TSHZ2: variants seen among roughly 807,000 people sequenced by gnomAD.
The protein encoded by TSHZ2 is teashirt zinc finger homeobox 2.
In TSHZ2, 21 loss-of-function variants were observed where a neutral mutation model predicts 74.4. The observed-to-expected ratio is 0.28, with a 90% CI of 0.20 to 0.41. The LOEUF (loss-of-function observed/expected upper bound fraction) is 0.41. TSHZ2 is among the 10% of genes least tolerant of loss of function. TSHZ2 has a pLI of 1.00. For missense variants in TSHZ2, 1,244 were observed against 1,293.5 expected, an observed-to-expected ratio of 0.96 and a Z score of 0.59; for synonymous variants, 540 against 515.3, an observed-to-expected ratio of 1.05 and a Z score of -0.65.
chr20:53,016,962 A>G (rs2256551), intron 1 of TSHZ2, among the ~76,000 whole-genome samples: 81,642 of 151,944 alleles, frequency 0.54, 22,797 homozygotes, highest in East Asian at 0.75. Context: ...TAAGGAGACA[A>G]GGACGTTATT....
At chr20:53,258,756 T>A (rs554080787) in intron 2 of TSHZ2, among the ~76,000 whole-genome samples, 12 of 152,320 alleles carry the variant, frequency 7.9e-5, no homozygotes, top group African/African-American at 2.9e-4. Context: ...GATGAGTATA[T>A]CTAATTTGGA....
intron 2 of TSHZ2, among the ~76,000 whole-genome samples, chr20:53,458,526 G>GT (rs1322069326): frequency 6.6e-6 from 1 of 152,006 alleles, no homozygotes; most frequent in African/African-American, 2.4e-5. Flanking sequence ...GGATTCACTA[G>GT]TTTTTTGAAG....
chr20:52,996,307 T>A (rs866125680), intron 1 of TSHZ2, among the ~76,000 whole-genome samples: 17 of 145,340 alleles, frequency 1.2e-4, no homozygotes, highest in South Asian at 2.3e-4. Context: ...CCTTTCAGGT[T>A]TTTATTTATT....
intron 2 of TSHZ2, among the ~76,000 whole-genome samples, chr20:53,473,584 C>CT (rs1181080413): frequency 2.1e-5 from 3 of 142,604 alleles, no homozygotes; most frequent in Non-Finnish European, 4.6e-5. Flanking sequence ...ACTGGAAACT[C>CT]TAAAACGCAG....
intron 1 of TSHZ2, among the ~76,000 whole-genome samples, chr20:52,981,485 A>G (rs1015170735): frequency 1.3e-5 from 2 of 152,222 alleles, no homozygotes; most frequent in African/African-American, 4.8e-5. Flanking sequence ...GTTAGGCACC[A>G]CAGGGATACG....
intron 1 of TSHZ2, among the ~76,000 whole-genome samples, chr20:53,086,291 T>C (rs1180603019): frequency 6.6e-6 from 1 of 152,192 alleles, no homozygotes; most frequent in African/African-American, 2.4e-5. Context: ...CAGGTATCTT[T>C]ATGAACCAAA....
At chr20:53,141,218 C>T (rs1040907891) in intron 1 of TSHZ2, among the ~76,000 whole-genome samples, 2 of 152,192 alleles carry the variant, frequency 1.3e-5, no homozygotes, top group African/African-American at 4.8e-5. Context: ...GCAAAATGAG[C>T]TCCAAGGAGC....
intron 2 of TSHZ2, among the ~76,000 whole-genome samples, chr20:53,386,674 T>C (rs1053422328): frequency 4.6e-5 from 7 of 152,238 alleles, no homozygotes; most frequent in Non-Finnish European, 8.8e-5. Context: ...GTTTGCATTG[T>C]ATCTGAGCTG....
chr20:53,046,021 C>G (rs1207565605), intron 1 of TSHZ2, among the ~76,000 whole-genome samples: 1 of 152,122 alleles, frequency 6.6e-6, no homozygotes, highest in Admixed American at 6.5e-5. Flanking sequence ...AGGTCCTTTC[C>G]AATTCTGACA....
At chr20:53,348,567 C>T (rs1050424745) in intron 2 of TSHZ2, among the ~76,000 whole-genome samples, 5 of 150,920 alleles carry the variant, frequency 3.3e-5, no homozygotes, top group Non-Finnish European at 7.4e-5. Context: ...CCAAAAGAAA[C>T]AAAGAAACAA....
intron 1 of TSHZ2, among the ~76,000 whole-genome samples, chr20:52,988,498 A>G (rs4811415): frequency 0.13 from 19,299 of 152,094 alleles, 1,491 homozygotes; most frequent in East Asian, 0.31. Context: ...TCACATAAAT[A>G]AACTTCCACA....
chr20:53,041,620 G>A (rs550033460), intron 1 of TSHZ2, among the ~76,000 whole-genome samples: 2 of 152,276 alleles, frequency 1.3e-5, no homozygotes, highest in African/African-American at 4.8e-5. Context: ...GCCAAGTCAC[G>A]CTCACTCTTT....
intron 2 of TSHZ2, among the ~76,000 whole-genome samples, chr20:53,465,713 G>GA (rs1440580329): frequency 2.0e-5 from 3 of 151,840 alleles, no homozygotes; most frequent in African/African-American, 2.4e-5. Context: ...CTCTCAAAAA[G>GA]AAAAAGGAGT....
intron 2 of TSHZ2, among the ~76,000 whole-genome samples, chr20:53,268,768 C>T (rs1433735609): frequency 2.0e-5 from 3 of 152,166 alleles, no homozygotes; most frequent in Admixed American, 1.3e-4. Flanking sequence ...GTTTTAACCC[C>T]GCATTGTCCA....
chr20:53,214,353 G>A (rs1013567952), intron 1 of TSHZ2, among the ~76,000 whole-genome samples: 1 of 152,196 alleles, frequency 6.6e-6, no homozygotes, highest in Non-Finnish European at 1.5e-5. Flanking sequence ...ATGAAGCCGA[G>A]CAAGGGCTTA....
rs143714556 is a variant in TSHZ2 at position 53,102,359 on chromosome 20, T to C, written c.40+129026T>C. ...AAACATTCAGACAATTAACTCTATT[T>C]TTCACTTTTTGTCACATAGACCCAG... On this transcript the variant is annotated intron_variant, in intron 1 of 2. Coordinates refer to ENST00000371497, the MANE Select transcript of TSHZ2 (RefSeq NM_173485.6). Among the ~76,000 whole-genome samples, 589 of 151,710 alleles carry C rather than the reference T, an allele frequency of 3.9e-3. 2 individuals are homozygous for C. Among genetic ancestry groups the C allele is most frequent in the African/African-American group, 0.014 (560 of 41,320 alleles).
At position 53,285,814 on chromosome 20, in the gene TSHZ2, T is replaced by C. The variant is rs1991154030; in HGVS notation, c.*8+29243T>C. Among the ~76,000 whole-genome samples, 3 of 152,198 alleles carry C rather than the reference T, an allele frequency of 2.0e-5. No homozygotes were observed. In the South Asian group the frequency reaches 6.2e-4, roughly 31 times the overall value. On this transcript the variant is annotated intron_variant, in intron 2 of 2. Coordinates refer to ENST00000371497, the MANE Select transcript of TSHZ2 (RefSeq NM_173485.6). ...TTCTGAGCCATTAGGGTTATATATG[T>C]TTCCACAAAGGATCTGTCAGGACAT...
At chr20:53,354,789 A>C (rs2145592821) in intron 2 of TSHZ2, among the ~76,000 whole-genome samples, 1 of 152,324 alleles carries the variant, frequency 6.6e-6, no homozygotes, top group African/African-American at 2.4e-5. Flanking sequence ...TCATGTATGC[A>C]TTCCCTTTTA....
chr20:53,341,090 C>A (rs969261106), intron 2 of TSHZ2, among the ~76,000 whole-genome samples: 3 of 152,210 alleles, frequency 2.0e-5, no homozygotes, highest in Non-Finnish European at 2.9e-5. Context: ...TAGCCCCCTT[C>A]TATGCCAGCA....
Sources: gnomAD v4.1 joint callset for allele counts (sites outside exome capture counted in the v4.1 genomes callset) on GRCh38, gnomAD v4.1.1 for gene constraint, MANE v1.5 for transcripts, NCBI Gene and HGNC (gene_info 2026-07-23, HGNC 2026-07-21) for gene names.